SDHA: variants seen among roughly 807,000 people sequenced by gnomAD.
The protein encoded by SDHA is succinate dehydrogenase complex flavoprotein subunit A.
Under a neutral mutation model 78.4 loss-of-function variants are expected in SDHA, and 48 were observed. The observed-to-expected ratio is 0.61, with a 90% CI of 0.49 to 0.78. SDHA has a LOEUF of 0.78. Among genes scored for constraint, SDHA ranks in the 30% least tolerant of loss-of-function variants. The pLI is 0.00. For missense variants in SDHA, 680 were observed against 892.7 expected (o/e 0.76, Z 3.04); for synonymous variants, 326 against 353.9 (o/e 0.92, Z 0.88).
chr5:247,945 AGGG>A (rs1042275059), intron 11 of SDHA, among the ~76,000 whole-genome samples: 1 of 152,218 alleles, frequency 6.6e-6, no homozygotes, highest in African/African-American at 2.4e-5. Flanking sequence ...CAAAAGTAAA[AGGG>A]GGAAAACAGG....
At chr5:252,362 A>C (rs1347738748) in intron 13 of SDHA, among the ~76,000 whole-genome samples, 1 of 130,054 alleles carries the variant, frequency 7.7e-6, no homozygotes, top group Non-Finnish European at 1.5e-5. Context: ...GGAGTAAGCC[A>C]CCATTTCAAG....
At chr5:248,646 A>G (rs1489771762) in intron 11 of SDHA, among the ~76,000 whole-genome samples, 1 of 152,196 alleles carries the variant, frequency 6.6e-6, no homozygotes, top group African/African-American at 2.4e-5. Context: ...TGTAAACAGG[A>G]TTGGACCCAG....
At chr5:262,157 C>T in the SDHA span, among the ~76,000 whole-genome samples, 5 of 86,866 alleles carry the variant, frequency 5.8e-5, no homozygotes, top group East Asian at 2.8e-4. Flanking sequence ...CTCCGCCTCC[C>T]GTCAGAGCAT....
At chr5:237,854 G>A (rs1735877523) in intron 10 of SDHA, among the ~76,000 whole-genome samples, 1 of 137,204 alleles carries the variant, frequency 7.3e-6, no homozygotes, top group East Asian at 1.9e-4. Flanking sequence ...CCACCGCTCG[G>A]GAGGCCAGCA....
chr5:261,806 A>T (rs371861401), downstream of SDHA, among the ~76,000 whole-genome samples: 1 of 2,186 alleles, frequency 4.6e-4, no homozygotes, highest in Non-Finnish European at 9.7e-4. Context: ...CCGCCCCCCG[A>T]CAGAGCATTA....
chr5:219,917 G>A (rs1734617758), intron 1 of SDHA, among the ~76,000 whole-genome samples: 1 of 152,162 alleles, frequency 6.6e-6, no homozygotes, highest in Non-Finnish European at 1.5e-5. Context: ...TCTTGATGAA[G>A]TTAGCTTTTC....
Position 233,580 on chromosome 5 carries a change from C to G in SDHA, c.999C>G (p.Val333=), listed in dbSNP as rs149556555. Residue 333 remains valine, a synonymous_variant, in exon 8 of 15, where the codon GTC becomes GTG. Transcript: ENST00000264932. ...GGTTTATGGAGCGATACGCCCCTGT[C>G]GCGAAGGACCTGGCGTCTAGAGATG... ...GERFMERYAP[V]AKDLASRDVV... is the part of the protein sequence containing the mutation. 53 of 1,614,010 alleles carry G rather than the reference C, an allele frequency of 3.3e-5. No individual in the cohort carries two copies. Among genetic ancestry groups the G allele is most frequent in the Non-Finnish European group, 4.4e-5 (52 of 1,180,022 alleles).
chr5:265,137 C>T, the SDHA span, among the ~76,000 whole-genome samples: 3 of 152,038 alleles, frequency 2.0e-5, no homozygotes, highest in African/African-American at 4.8e-5. Flanking sequence ...AACCAGGAGG[C>T]GGAGGTTGCA....
In SDHA at chr5:220,302, A is replaced by G. The variant is rs56232088; in HGVS notation, c.63+1884A>G. 2,405 of 445,518 alleles carry G rather than the reference A, an allele frequency of 5.4e-3. 44 individuals are homozygous for G. Among genetic ancestry groups the G allele is most frequent in the African/African-American group, 0.05 (2,151 of 42,900 alleles). The allele number at this position is 445,518 out of a possible 1,614,324, so 27.6% of individuals were successfully genotyped here. A position where few individuals can be genotyped will look rare whatever the true frequency, so the allele number is the denominator to read the frequency against. On this transcript the variant is annotated intron_variant, in intron 1 of 14. Transcript: ENST00000264932. The stretch of plus-strand genomic sequence containing the variant: ...TAATCAGAGGAAAAAGAAAACCAAG[A>G]AACTTCAATAGTTACTGGTTAACTG...
chr5:222,215 T>C (rs1560984135), intron 1 of SDHA, among the ~76,000 whole-genome samples: 1 of 152,108 alleles, frequency 6.6e-6, no homozygotes. Flanking sequence ...AGACTAGAAA[T>C]TGGAGAAATG....
intron 6 of SDHA, 145 bp from the exon 7 acceptor site, chr5:230,731 G>A (rs1735342693): frequency 1.9e-6 from 2 of 1,034,874 alleles, no homozygotes; most frequent in South Asian, 2.6e-5. Context: ...AGTGATATGT[G>A]TGGGGTGTGC....
intron 14 of SDHA, among the ~76,000 whole-genome samples, chr5:255,456 G>GT (rs200609682): frequency 0.099 from 14,851 of 150,362 alleles, 878 homozygotes; most frequent in Admixed American, 0.15. Flanking sequence ...GGGTTTTTTG[G>GT]TTTTTTTTTG....
chr5:239,245 T>C lies in SDHA; in HGVS notation c.1433-1113T>C, dbSNP rs148053651. On this transcript the variant is annotated intron_variant, in intron 10 of 14. Transcript: ENST00000264932. The stretch of plus-strand genomic sequence containing the variant: ...GTTATAAAAAAAACTTAAAAACTTT[T>C]TTCAAGACATCGTAGAAACACAAGA... 3.3e-5 allele frequency among the ~76,000 whole-genome samples: 5 copies of C among 152,112 alleles called. No homozygotes were observed. The East Asian group carries it at 9.7e-4, about 30-fold the overall frequency.
intron 1 of SDHA, among the ~76,000 whole-genome samples, chr5:222,392 G>A (rs1348902504): frequency 6.7e-6 from 1 of 148,608 alleles, no homozygotes; most frequent in Non-Finnish European, 1.5e-5. Context: ...CTGTTGCCGA[G>A]GCCGGAGTGC....
chr5:231,541 C>T (rs1277667627), intron 7 of SDHA, among the ~76,000 whole-genome samples: 2 of 138,368 alleles, frequency 1.4e-5, no homozygotes, highest in Admixed American at 7.6e-5. Context: ...GCCTGGGCAA[C>T]AGAGTAAGAC....
chr5:233,349 A>G (rs1579401742), intron 7 of SDHA, 128 bp from the exon 8 acceptor site: 10 of 931,642 alleles, frequency 1.1e-5, no homozygotes, highest in Admixed American at 1.8e-5. Flanking sequence ...CTTGCTGTGC[A>G]GTTTTGCACA....
At chr5:255,865 C>T (rs1412640329) in intron 14 of SDHA, among the ~76,000 whole-genome samples, 2 of 152,212 alleles carry the variant, frequency 1.3e-5, no homozygotes, top group Admixed American at 6.5e-5. Flanking sequence ...CCTGTGTGTG[C>T]ATATTTAATA....
intron 4 of SDHA, 111 bp from the exon 5 acceptor site, chr5:225,772 A>G (rs748550489): frequency 4.2e-6 from 6 of 1,439,638 alleles, no homozygotes; most frequent in Non-Finnish European, 5.8e-6. Flanking sequence ...TTCATAAAAT[A>G]GGTTACTTTG....
At chr5:259,501 T>C (rs373231242), downstream of SDHA, among the ~76,000 whole-genome samples, 239 of 16,080 alleles carry the variant, frequency 0.015, 18 homozygotes, top group Non-Finnish European at 0.017. Flanking sequence ...CTCCGCCTCC[T>C]GTCACAGCAT....
Sources: allele counts gnomAD v4.1 joint callset (sites outside exome capture counted in the v4.1 genomes callset), GRCh38; gene constraint gnomAD v4.1.1; transcripts MANE v1.5; gene names NCBI Gene and HGNC (gene_info 2026-07-23, HGNC 2026-07-21).